The following BLTP3B variants were observed in gnomAD, a reference collection of about 807,000 sequenced individuals.
BLTP3B encodes the protein bridge-like lipid transfer protein family member 3B, also known as UHRF1 (ICBP90) binding protein 1-like.
the BLTP3B span, among the ~76,000 whole-genome samples, chr12:100,132,966 G>A: frequency 7.2e-5 from 11 of 151,852 alleles, no homozygotes; most frequent in East Asian, 7.8e-4. Context: ...TAAATAGGCC[G>A]GGCGTGGTGG....
the BLTP3B span, among the ~76,000 whole-genome samples, chr12:100,093,792 C>T: frequency 6.6e-6 from 1 of 152,118 alleles, no homozygotes; most frequent in Admixed American, 6.6e-5. Flanking sequence ...TGTAATATAT[C>T]GTGAGGCATT....
the BLTP3B span, chr12:100,059,442 G>C: frequency 6.2e-7 from 1 of 1,613,936 alleles, no homozygotes; most frequent in South Asian, 1.1e-5. Flanking sequence ...ACAGTGCCTT[G>C]TATTTGTGGC....
chr12:100,039,641 C>T, the BLTP3B span: 9 of 1,613,796 alleles, frequency 5.6e-6, no homozygotes, highest in Non-Finnish European at 7.6e-6. Flanking sequence ...AGTTAGCTGA[C>T]TGAGAAGGCC....
At chr12:100,039,332 T>C in the BLTP3B span, among the ~76,000 whole-genome samples, 4 of 151,772 alleles carry the variant, frequency 2.6e-5, no homozygotes, top group African/African-American at 9.7e-5. Flanking sequence ...GTATGTACAC[T>C]TGAATATTAA....
the BLTP3B span, among the ~76,000 whole-genome samples, chr12:100,088,336 C>T: frequency 1.3e-5 from 2 of 152,056 alleles, no homozygotes; most frequent in African/African-American, 4.8e-5. Flanking sequence ...ACGCCCAGCG[C>T]CTAGATTACA....
At chr12:100,135,281 C>CTTTTTTTTTTTTTTTTT in the BLTP3B span, among the ~76,000 whole-genome samples, 9 of 141,250 alleles carry the variant, frequency 6.4e-5, 1 homozygote, top group African/African-American at 1.1e-4. Flanking sequence ...TTCTTTCTTT[C>CTTTTTTTTTTTTTTTTT]TTTTTTTTTT....
the BLTP3B span, among the ~76,000 whole-genome samples, chr12:100,096,016 C>T: frequency 1.3e-5 from 2 of 152,186 alleles, no homozygotes; most frequent in Non-Finnish European, 2.9e-5. Context: ...CTCTGGGAGG[C>T]CAAGGCAGGT....
the BLTP3B span, among the ~76,000 whole-genome samples, chr12:100,049,708 C>T: frequency 1.3e-5 from 2 of 152,020 alleles, no homozygotes; most frequent in Non-Finnish European, 1.5e-5. Context: ...AAAGAAACAG[C>T]CACAAATTGG....
the BLTP3B span, chr12:100,058,336 T>C: frequency 6.2e-7 from 1 of 1,613,754 alleles, no homozygotes; most frequent in Non-Finnish European, 8.5e-7. Flanking sequence ...ACAAGTCCAC[T>C]ACTTTCATCT....
chr12:100,098,931 T>TAGATAGAC, the BLTP3B span, among the ~76,000 whole-genome samples: 1 of 151,480 alleles, frequency 6.6e-6, no homozygotes, highest in African/African-American at 2.4e-5. Context: ...GATAGATAGA[T>TAGATAGAC]AGACAGACAG....
At chr12:100,044,319 C>T in the BLTP3B span, among the ~76,000 whole-genome samples, 2 of 152,166 alleles carry the variant, frequency 1.3e-5, no homozygotes, top group African/African-American at 4.8e-5. Flanking sequence ...ACTAACTGTT[C>T]CTATATCTGA....
the BLTP3B span, among the ~76,000 whole-genome samples, chr12:100,043,020 A>C: frequency 6.6e-6 from 1 of 152,148 alleles, no homozygotes; most frequent in Non-Finnish European, 1.5e-5. Flanking sequence ...GCTGGTCTTG[A>C]ACTCTCGACC....
At chr12:100,106,558 C>T in the BLTP3B span, among the ~76,000 whole-genome samples, 8 of 152,178 alleles carry the variant, frequency 5.3e-5, no homozygotes, top group South Asian at 2.1e-4. Context: ...TATGGGTATG[C>T]AAAGGCATAC....
the BLTP3B span, chr12:100,037,089 T>TTA: frequency 4.5e-6 from 4 of 882,092 alleles, no homozygotes; most frequent in South Asian, 5.2e-5. Context: ...AACCCATTAA[T>TTA]TATATAGTTT....
At chr12:100,106,716 T>A in the BLTP3B span, among the ~76,000 whole-genome samples, 62 of 152,136 alleles carry the variant, frequency 4.1e-4, no homozygotes, top group Non-Finnish European at 5.9e-5. Context: ...AATTCACTCA[T>A]GTAAACAAAA....
At chr12:100,123,309 G>A in the BLTP3B span, among the ~76,000 whole-genome samples, 1 of 152,204 alleles carries the variant, frequency 6.6e-6, no homozygotes, top group Non-Finnish European at 1.5e-5. Flanking sequence ...AGGGCAGACA[G>A]AGCCAAAAAC....
chr12:100,142,657 G>A, the BLTP3B span: 16 of 1,604,332 alleles, frequency 1.0e-5, no homozygotes, highest in East Asian at 3.4e-4. Flanking sequence ...TGGAGACGCC[G>A]CGGTCTCGTC....
At chr12:100,107,067 G>C in the BLTP3B span, among the ~76,000 whole-genome samples, 1 of 151,906 alleles carries the variant, frequency 6.6e-6, no homozygotes, top group African/African-American at 2.4e-5. Context: ...GCGGGTGGTG[G>C]ATCACCTGTC....
the BLTP3B span, chr12:100,070,172 G>T: frequency 6.4e-7 from 1 of 1,560,916 alleles, no homozygotes. Flanking sequence ...GAAGGCAGCT[G>T]AGAGAAACAA....
Sources: gnomAD v4.1 joint callset for allele counts (sites outside exome capture counted in the v4.1 genomes callset) on GRCh38, gnomAD v4.1.1 for gene constraint, MANE v1.5 for transcripts, NCBI Gene and HGNC (gene_info 2026-07-23, HGNC 2026-07-21) for gene names.